Variants in NLGN4X observed in about 807,000 individuals in gnomAD.
NLGN4X encodes the protein neuroligin 4 X-linked.
Under a neutral mutation model 40.3 loss-of-function variants are expected in NLGN4X, and 3 were observed. The ratio of observed to expected loss-of-function variants is 0.07; its 90% CI spans 0.03 to 0.19. NLGN4X has a LOEUF of 0.19. Ranked by LOEUF, NLGN4X falls within the 10% of genes least tolerant of loss-of-function variation. The pLI is 1.00. For synonymous variants in NLGN4X, 270 were observed against 306.8 expected (o/e 0.88, Z 1.25); for missense variants, 382 against 708.3 (o/e 0.54, Z 5.23).
chrX:6,108,340 T>G (rs2147518033), intron 2 of NLGN4X, among the ~76,000 whole-genome samples: 1 of 111,692 alleles, frequency 9.0e-6, no homozygotes, highest in East Asian at 2.8e-4. Flanking sequence ...GAATTATTAT[T>G]AAATATTATT....
rs1163973694 is a variant in NLGN4X, at chrX:5,900,560, C to CTTTT, written c.1601+2513_1601+2516dup. On this transcript the variant is annotated intron_variant, in intron 5 of 5. Transcript: ENST00000381095. Reference sequence around the variant, plus strand: ...GTTATAAGACACACCGTTTTTGGTGCTTTTTTTTTTTTTTTTTTTTTTTTT... The same window carrying CTTTT: ...GTTATAAGACACACCGTTTTTGGTGCTTTTTTTTTTTTTTTTTTTTTTTTTTTTT... Among the ~76,000 whole-genome samples the CTTTT allele has an allele frequency of 1.5e-4, 7 of 45,596 alleles. 2 individuals are homozygous for CTTTT. The highest frequency in any genetic ancestry group is 6.5e-4 in the Admixed American group (2 of 3,059). 39.6% of individuals were successfully genotyped at this position (45,596 alleles called of 115,157 possible).
chrX:6,153,127 T>C (rs62588037), intron 1 of NLGN4X, among the ~76,000 whole-genome samples: 18,363 of 111,855 alleles, frequency 0.16, 1,164 homozygotes, highest in Middle Eastern at 0.24. Context: ...AAGGATTTTG[T>C]GGGTTATTCA....
At chrX:6,214,016 A>G (rs1386669895) in intron 1 of NLGN4X, among the ~76,000 whole-genome samples, 2 of 112,006 alleles carry the variant, frequency 1.8e-5, no homozygotes, top group Non-Finnish European at 3.8e-5. Context: ...AAAACCAAAA[A>G]ACACCACTGA....
chrX:6,013,180 G>A (rs908551658), intron 3 of NLGN4X, among the ~76,000 whole-genome samples: 5 of 111,395 alleles, frequency 4.5e-5, no homozygotes, highest in African/African-American at 1.6e-4. Flanking sequence ...TAAACTACAG[G>A]TTTCAATTCA....
At chrX:6,186,334 C>T (rs1922007258) in intron 1 of NLGN4X, among the ~76,000 whole-genome samples, 1 of 111,895 alleles carries the variant, frequency 8.9e-6, no homozygotes, top group Non-Finnish European at 1.9e-5. Context: ...AAAAATTGGC[C>T]ACCACCCATA....
intron 2 of NLGN4X, among the ~76,000 whole-genome samples, chrX:6,119,074 G>A (rs933493271): frequency 1.8e-5 from 2 of 111,917 alleles, no homozygotes; most frequent in African/African-American, 6.5e-5. Flanking sequence ...CAGGAATCAC[G>A]ATCTGAAATA....
At chrX:6,060,492 T>C (rs2037742466) in intron 2 of NLGN4X, among the ~76,000 whole-genome samples, 1 of 111,754 alleles carries the variant, frequency 8.9e-6, no homozygotes. Context: ...CTGACTTATC[T>C]CACATTAAAT....
rs143798002 is a variant in NLGN4X at position 6,000,151 on chromosome X, G to T, written c.625+29129C>A. Among the ~76,000 whole-genome samples the T allele has an allele frequency of 3.5e-3, 396 of 112,353 alleles. 1 individual carries two copies. Among genetic ancestry groups the T allele is most frequent in the Middle Eastern group, 0.014 (3 of 216 alleles). On this transcript the variant is annotated intron_variant, in intron 3 of 5. Transcript: ENST00000381095. Reference sequence around the variant, plus strand: ...CTCTCCAATGGAGATGGTATCTGCTGACTGGCCACAGAAGATGCCTCCCAG... The same window carrying T: ...CTCTCCAATGGAGATGGTATCTGCTTACTGGCCACAGAAGATGCCTCCCAG...
intron 1 of NLGN4X, among the ~76,000 whole-genome samples, chrX:6,181,432 A>C (rs1055021404): frequency 8.0e-5 from 9 of 111,947 alleles, no homozygotes; most frequent in African/African-American, 2.9e-4. Flanking sequence ...TGTGTGTCTT[A>C]GTAGTCCTGT....
chrX:6,149,877 T>C (rs937226483), intron 2 of NLGN4X, among the ~76,000 whole-genome samples: 2 of 110,511 alleles, frequency 1.8e-5, no homozygotes, highest in African/African-American at 6.6e-5. Context: ...CAAAACAATT[T>C]TGGAGATCAG....
At chrX:6,027,581 C>T (rs773668460) in intron 3 of NLGN4X, among the ~76,000 whole-genome samples, 34 of 109,719 alleles carry the variant, frequency 3.1e-4, no homozygotes, top group African/African-American at 8.9e-4. Flanking sequence ...GGGTTTCTTA[C>T]AACACCTCTT....
At chrX:5,940,897 A>C (rs1029366820) in intron 3 of NLGN4X, among the ~76,000 whole-genome samples, 7 of 110,848 alleles carry the variant, frequency 6.3e-5, no homozygotes, top group African/African-American at 2.3e-4. Context: ...CAGAAGAATC[A>C]CTTGAGCCCA....
At chrX:6,168,765 C>T (rs1023117108) in intron 1 of NLGN4X, among the ~76,000 whole-genome samples, 1 of 111,689 alleles carries the variant, frequency 9.0e-6, no homozygotes, top group Non-Finnish European at 1.9e-5. Context: ...AGCCACTGCA[C>T]CTGTCCTTTT....
At chrX:6,011,152 CA>C (rs1266206010) in intron 3 of NLGN4X, among the ~76,000 whole-genome samples, 1 of 110,385 alleles carries the variant, frequency 9.1e-6, no homozygotes, top group Non-Finnish European at 1.9e-5. Context: ...ATCTCAGAGT[CA>C]AGAGACTTTC....
chrX:5,934,743 A>T (rs2033676760), intron 3 of NLGN4X, among the ~76,000 whole-genome samples: 1 of 112,324 alleles, frequency 8.9e-6, no homozygotes, highest in South Asian at 3.7e-4. Context: ...CAGTTTAGCA[A>T]AATGTATATA....
At chrX:6,088,948 G>A (rs1324987110) in intron 2 of NLGN4X, among the ~76,000 whole-genome samples, 1 of 111,481 alleles carries the variant, frequency 9.0e-6, no homozygotes, top group Non-Finnish European at 1.9e-5. Context: ...ATAAATGCCT[G>A]TTAAATAAAT....
intron 2 of NLGN4X, among the ~76,000 whole-genome samples, chrX:6,055,342 T>C (rs1258938349): frequency 9.0e-6 from 1 of 111,619 alleles, no homozygotes; most frequent in East Asian, 2.8e-4. Context: ...AAAGTAAAAA[T>C]TAAAAAATTA....
rs1376692046 is a variant in NLGN4X at position 5,892,757 on chromosome X, TCC to T, written c.*58_*59del. ...CTCTCTCTTTCCTTCTCTCTTTCCT[TCC>T]CTCTTCTATGTTGCTGAGCGGGTAG... On this transcript the variant is annotated 3_prime_UTR_variant, in exon 6 of 6. Transcript: ENST00000381095. The T allele has an allele frequency of 1.7e-6, 2 of 1,183,364 alleles. No individual in the cohort carries two copies. The highest frequency in any genetic ancestry group is 1.8e-5 in the African/African-American group (1 of 56,364).
chrX:6,045,682 T>G (rs2037299449), intron 2 of NLGN4X, among the ~76,000 whole-genome samples: 1 of 111,715 alleles, frequency 9.0e-6, no homozygotes. Context: ...GTATTTAATT[T>G]AAAAAGTAGA....
Sources: gnomAD v4.1 joint callset for allele counts (sites outside exome capture counted in the v4.1 genomes callset) on GRCh38, gnomAD v4.1.1 for gene constraint, MANE v1.5 for transcripts, NCBI Gene and HGNC (gene_info 2026-07-23, HGNC 2026-07-21) for gene names.